The following NOSIP variants were observed in gnomAD, a reference collection of about 807,000 sequenced individuals.
NOSIP encodes the protein nitric oxide synthase-interacting protein.
In NOSIP, 25 loss-of-function variants were observed where a neutral mutation model predicts 36.4. That is an observed-to-expected ratio of 0.69 (90% CI 0.50 to 0.96). The LOEUF is 0.96. NOSIP is among the 40% of genes least tolerant of loss of function. NOSIP has a pLI of 0.00. For synonymous variants in NOSIP, 187 were observed against 179.2 expected (o/e 1.04, Z -0.35); for missense variants, 370 against 429.0 (o/e 0.86, Z 1.21).
intron 4 of NOSIP, chr19:49,558,626 T>C (rs897053911): frequency 4.5e-6 from 2 of 439,610 alleles, no homozygotes; most frequent in Admixed American, 6.9e-5. Context: ...TAAGGGAAAG[T>C]GGGCATGTGT....
At chr19:49,558,545 CA>C (rs1441761347) in intron 4 of NOSIP, 1 of 192,386 alleles carries the variant, frequency 5.2e-6, no homozygotes, top group East Asian at 1.2e-4. Context: ...AGGTGTGAGC[CA>C]CCACCCCCGA....
In NOSIP at chr19:49,560,907, T is replaced by C. The variant is rs945094818; in HGVS notation, c.-1-215A>G. Reference sequence around the variant, plus strand: ...ACCTAGACTCATTTATATGTGAAAATAGCACCTTTAACAACAAAACTCTTT... The same window carrying C: ...ACCTAGACTCATTTATATGTGAAAACAGCACCTTTAACAACAAAACTCTTT... On this transcript the variant is annotated intron_variant, in intron 1 of 8. Coordinates refer to ENST00000596358, the MANE Select transcript of NOSIP (RefSeq NM_001270960.2). This position sits in a 1 kb window ranked among gnomAD's most constrained non-coding sequence, Gnocchi z 4.6. Among the ~76,000 whole-genome samples the C allele has an allele frequency of 7.2e-5, 11 of 152,056 alleles. No individual in the cohort carries two copies. The highest frequency in any genetic ancestry group is 3.9e-4 in the East Asian group (2 of 5,188).
At chr19:49,570,110 TAAAG>T (rs111310942) in intron 1 of NOSIP, among the ~76,000 whole-genome samples, 14 of 151,444 alleles carry the variant, frequency 9.2e-5, no homozygotes, top group Non-Finnish European at 1.9e-4. Context: ...TCTCAAAAAA[TAAAG>T]AAAGAATAAA....
At chr19:49,579,460 C>T (rs924649757) in intron 1 of NOSIP, among the ~76,000 whole-genome samples, 6 of 152,140 alleles carry the variant, frequency 3.9e-5, no homozygotes, top group African/African-American at 1.4e-4. Context: ...TAGCCAAATC[C>T]CCAAACAACC....
chr19:49,580,309 AGAG>A (rs2080609443), intron 1 of NOSIP, among the ~76,000 whole-genome samples: 2 of 90,014 alleles, frequency 2.2e-5, no homozygotes, highest in Admixed American at 9.4e-5. Flanking sequence ...AGACAAAGAG[AGAG>A]AGAACTGCCC....
chr19:49,572,741 A>G (rs566764113), intron 1 of NOSIP, among the ~76,000 whole-genome samples: 6 of 151,960 alleles, frequency 3.9e-5, no homozygotes, highest in Non-Finnish European at 5.9e-5. Flanking sequence ...TGGGAGCCCA[A>G]GGCGGGCAGA....
At chr19:49,565,918 G>A (rs2080401396) in intron 1 of NOSIP, among the ~76,000 whole-genome samples, 1 of 152,174 alleles carries the variant, frequency 6.6e-6, no homozygotes, top group Non-Finnish European at 1.5e-5. Context: ...GACACCTGTG[G>A]ACAGACATCC....
At position 49,555,567 on chromosome 19, in the gene NOSIP, T is replaced by G. The variant is rs547635548; in HGVS notation, c.*184A>C. The G allele has an allele frequency of 2.5e-4, 138 of 545,992 alleles. 8 individuals are homozygous for G. In the South Asian group the frequency reaches 3.0e-3, roughly 12 times the overall value. The allele number at this position is 545,992 out of a possible 1,614,324, so 33.8% of individuals were successfully genotyped here. On this transcript the variant is annotated 3_prime_UTR_variant, in exon 9 of 9. Coordinates refer to ENST00000596358, the MANE Select transcript of NOSIP (RefSeq NM_001270960.2). Reference sequence around the variant, plus strand: ...AGCCACCGTGCCTGGCCAGATTTTGTTCTTAATGTGAGACCACATTCAATA... The same window carrying G: ...AGCCACCGTGCCTGGCCAGATTTTGGTCTTAATGTGAGACCACATTCAATA...
chr19:49,569,230 G>A (rs552074359), intron 1 of NOSIP, among the ~76,000 whole-genome samples: 75 of 128,976 alleles, frequency 5.8e-4, no homozygotes, highest in African/African-American at 1.9e-3. Context: ...ACGTTATCTC[G>A]CTCTTTCACC....
rs1271306423 is a variant in NOSIP, at chr19:49,557,005, G to A, written c.419-12C>T. ...AGGTTGGACATCATCTGTGGGGGAAGGAAGGGACTCAGATGCCGCCCCCTG... is the reference window on the plus strand; with the variant it reads ...AGGTTGGACATCATCTGTGGGGGAAAGAAGGGACTCAGATGCCGCCCCCTG... On this transcript the variant is annotated splice_polypyrimidine_tract_variant and intron_variant, in intron 5 of 8. Transcript: ENST00000596358. 6 of 1,601,868 alleles carry A rather than the reference G, an allele frequency of 3.7e-6. No individual in the cohort carries two copies. Among genetic ancestry groups the A allele is most frequent in the Non-Finnish European group, 5.1e-6 (6 of 1,173,636 alleles).
In NOSIP at chr19:49,560,553, G is replaced by A; in HGVS notation, c.70+69C>T. 1 of 1,276,132 alleles carries A rather than the reference G, an allele frequency of 7.8e-7. No homozygotes were observed. The highest frequency in any genetic ancestry group is 1.1e-6 in the Non-Finnish European group (1 of 896,314). 79.1% of individuals were successfully genotyped at this position (1,276,132 alleles called of 1,614,324 possible). On this transcript the variant is annotated intron_variant, in intron 2 of 8. Coordinates refer to ENST00000596358, the MANE Select transcript of NOSIP (RefSeq NM_001270960.2). This position sits in a 1 kb window ranked among gnomAD's most constrained non-coding sequence, Gnocchi z 4.6. Reference sequence around the variant, plus strand: ...GACAGGGACAGAGGAAGCAAAACCTGGGGCACGAGGGGAGAGGGTGACTCC... The same window carrying A: ...GACAGGGACAGAGGAAGCAAAACCTAGGGCACGAGGGGAGAGGGTGACTCC...
At chr19:49,572,623 C>T (rs1339880107) in intron 1 of NOSIP, among the ~76,000 whole-genome samples, 1 of 151,764 alleles carries the variant, frequency 6.6e-6, no homozygotes, top group Non-Finnish European at 1.5e-5. Context: ...GATGGGGTTT[C>T]ACCACATTGG....
Position 49,579,783 on chromosome 19 carries a change from TA to T in NOSIP, c.-2+731del, listed in dbSNP as rs199644035. Among the ~76,000 whole-genome samples, 529 of 152,242 alleles carry T rather than the reference TA, an allele frequency of 3.5e-3. 7 individuals carry two copies. The highest frequency in any genetic ancestry group is 1.3e-3 in the Non-Finnish European group (88 of 68,030). ...CGATTTGTTTTAATCTCTTTAAGTTTAAAAAAATACAGCAAGTATGGCAAAA... is the reference window on the plus strand; with the variant it reads ...CGATTTGTTTTAATCTCTTTAAGTTTAAAAAATACAGCAAGTATGGCAAAA... On this transcript the variant is annotated intron_variant, in intron 1 of 8. Coordinates refer to ENST00000596358, the MANE Select transcript of NOSIP (RefSeq NM_001270960.2).
At position 49,556,690 on chromosome 19, in the gene NOSIP, G is replaced by A. The variant is rs747441040; in HGVS notation, c.584C>T (p.Ser195Leu). ...TGTGAAGTGCACGGGCGTCAGGTCC[G>A]ACATGCGCAGGGGCTTCCCTGACAT... Reference protein sequence around the residue: ...CPMSGKPLRMSDLTPVHFTPL... With the variant: ...CPMSGKPLRMLDLTPVHFTPL... Residue 195 changes from serine (S) to leucine (L), a missense_variant, in exon 7 of 9, where the codon TCG becomes TTG. Around this residue, in one of 3 missense-constraint regions of NOSIP, gnomAD observed 315 missense variants for 331.9 expected, o/e 0.95. Coordinates refer to ENST00000596358, the MANE Select transcript of NOSIP (RefSeq NM_001270960.2). 5 of 1,610,992 alleles carry A rather than the reference G, an allele frequency of 3.1e-6. No homozygotes were observed. The South Asian group carries it at 5.5e-5, about 18-fold the overall frequency.
At chr19:49,562,697 A>G (rs1486485031) in intron 1 of NOSIP, among the ~76,000 whole-genome samples, 2 of 152,050 alleles carry the variant, frequency 1.3e-5, no homozygotes, top group African/African-American at 4.8e-5. Flanking sequence ...CCTGGCCAAC[A>G]TGGTGAAACC....
chr19:49,560,517 G>T lies in NOSIP; in HGVS notation c.70+105C>A. On this transcript the variant is annotated intron_variant, in intron 2 of 8. Coordinates refer to ENST00000596358, the MANE Select transcript of NOSIP (RefSeq NM_001270960.2). This position sits in a 1 kb window ranked among gnomAD's most constrained non-coding sequence, Gnocchi z 4.6. ...GTCATGGCCATCAGTGTATATCGGG[G>T]GCGGGAGAGAGACAGGGACAGAGGA... The T allele has an allele frequency of 1.2e-6, 1 of 822,254 alleles. No individual in the cohort carries two copies. Among genetic ancestry groups the T allele is most frequent in the Non-Finnish European group, 2.0e-6 (1 of 491,782 alleles). The allele number at this position is 822,254 out of a possible 1,614,324, so 50.9% of individuals were successfully genotyped here.
intron 4 of NOSIP, 107 bp downstream of exon 4, chr19:49,558,790 T>TA: frequency 3.3e-6 from 3 of 912,284 alleles, no homozygotes; most frequent in Non-Finnish European, 5.4e-6. Flanking sequence ...GGGAATGGTG[T>TA]ACCAGGCAGA....
At chr19:49,561,919 A>T (rs2080340838) in intron 1 of NOSIP, among the ~76,000 whole-genome samples, 2 of 151,598 alleles carry the variant, frequency 1.3e-5, no homozygotes, top group African/African-American at 4.8e-5. Flanking sequence ...CTAAGCCAAG[A>T]TAATGCACAT....
chr19:49,578,838 T>C (rs2080587263), intron 1 of NOSIP, among the ~76,000 whole-genome samples: 1 of 151,142 alleles, frequency 6.6e-6, no homozygotes, highest in Non-Finnish European at 1.5e-5. Flanking sequence ...TTAGCCAGGA[T>C]GGTCTTGATC....
Sources: allele counts gnomAD v4.1 joint callset (sites outside exome capture counted in the v4.1 genomes callset), GRCh38; gene constraint gnomAD v4.1.1; regional missense constraint gnomAD v4.1.1; non-coding constraint Gnocchi (gnomAD v3.1); transcripts MANE v1.5; gene names NCBI Gene and HGNC (gene_info 2026-07-23, HGNC 2026-07-21).